The following ATP2B4 variants were observed in gnomAD, a reference collection of about 807,000 sequenced individuals.
ATP2B4 encodes the protein plasma membrane calcium-transporting ATPase 4.
Under a neutral mutation model 110.3 loss-of-function variants are expected in ATP2B4, and 39 were observed. The observed-to-expected ratio is 0.35, with a 90% confidence interval of 0.27 to 0.46. The LOEUF is 0.46. Among genes scored for constraint, ATP2B4 ranks in the 20% least tolerant of loss-of-function variants. The pLI is 1.00. For missense variants in ATP2B4, 1,135 were observed against 1,530.9 expected, an observed-to-expected ratio of 0.74 and a Z score of 4.32; for synonymous variants, 538 against 571.7, an observed-to-expected ratio of 0.94 and a Z score of 0.84.
At chr1:203,641,633 G>C (rs147343787) in intron 1 of ATP2B4, among the ~76,000 whole-genome samples, 2 of 152,176 alleles carry the variant, frequency 1.3e-5, no homozygotes, top group Non-Finnish European at 2.9e-5. Context: ...TACATTATCT[G>C]TAATCCTTAC....
intron 10 of ATP2B4, 80 bp downstream of exon 10, chr1:203,708,184 T>C (rs1188875798): frequency 6.4e-7 from 1 of 1,565,776 alleles, no homozygotes; most frequent in Non-Finnish European, 8.7e-7. Flanking sequence ...AACCCCCTTA[T>C]TGTTTACACT....
rs144010992 is a variant in ATP2B4 at position 203,728,744 on chromosome 1, C to A, written c.3309+1173C>A. 1.3e-3 allele frequency among the ~76,000 whole-genome samples: 195 copies of A among 152,288 alleles called. 5 individuals carry two copies. In the East Asian group the frequency reaches 0.032, roughly 25 times the overall value. Reference sequence around the variant, plus strand: ...TAGTGGCACATGCCTGTAATCCCAGCTACTCGGGAGGCTGAGGCAGAAGAA... The same window carrying A: ...TAGTGGCACATGCCTGTAATCCCAGATACTCGGGAGGCTGAGGCAGAAGAA... On this transcript the variant is annotated intron_variant, in intron 20 of 20. Transcript: ENST00000357681.
chr1:203,704,544 C>CATCTCAGCTCACTGCAGACTCTACCT (rs2102392135), intron 8 of ATP2B4, among the ~76,000 whole-genome samples: 1 of 140,404 alleles, frequency 7.1e-6, no homozygotes, highest in Admixed American at 7.2e-5. Context: ...GCAGTGGCAC[C>CATCTCAGCTCACTGCAGACTCTACCT]ATCTCAGCTC....
intron 2 of ATP2B4, among the ~76,000 whole-genome samples, chr1:203,686,685 C>CTTTTTTCTTTCT (rs1665194666): frequency 2.3e-5 from 1 of 42,774 alleles, no homozygotes; most frequent in African/African-American, 1.0e-4. Flanking sequence ...TCTTTTCTTT[C>CTTTTTTCTTTCT]TTTTTTTTTT....
chr1:203,705,947 T>C (rs1003496948), intron 8 of ATP2B4, among the ~76,000 whole-genome samples: 12 of 152,222 alleles, frequency 7.9e-5, no homozygotes, highest in African/African-American at 2.7e-4. Flanking sequence ...TTCATTGATA[T>C]CATCATCTCT....
At chr1:203,712,738 C>G (rs528599990) in intron 13 of ATP2B4, among the ~76,000 whole-genome samples, 2 of 152,162 alleles carry the variant, frequency 1.3e-5, no homozygotes, top group Non-Finnish European at 2.9e-5. Flanking sequence ...TAGCCCACCC[C>G]TCCTGTGTCC....
Position 203,739,998 on chromosome 1 carries a change from T to G in ATP2B4, c.*144T>G. ...TGTGAAGTGAACCTCTACCTGACCATGAAGAGGCAAGAGCACAGACTTACA... is the reference window on the plus strand; with the variant it reads ...TGTGAAGTGAACCTCTACCTGACCAGGAAGAGGCAAGAGCACAGACTTACA... On this transcript the variant is annotated 3_prime_UTR_variant, in exon 21 of 21. Transcript: ENST00000357681. The G allele has an allele frequency of 4.4e-6, 4 of 903,530 alleles. No homozygotes were observed. The highest frequency in any genetic ancestry group is 1.7e-5 in the African/African-American group (1 of 59,204). 56.0% of individuals were successfully genotyped at this position (903,530 alleles called of 1,614,324 possible).
chr1:203,737,853 TAAAG>T (rs1666910900), intron 20 of ATP2B4, among the ~76,000 whole-genome samples: 1 of 152,144 alleles, frequency 6.6e-6, no homozygotes, highest in South Asian at 2.1e-4. Flanking sequence ...TGGGACGAGA[TAAAG>T]AAAGCCTTAG....
intron 1 of ATP2B4, among the ~76,000 whole-genome samples, chr1:203,635,189 G>T (rs1479794738): frequency 6.6e-6 from 1 of 152,066 alleles, no homozygotes; most frequent in East Asian, 1.9e-4. Flanking sequence ...GGTCAGGCTG[G>T]TCTCAAACTC....
intron 1 of ATP2B4, among the ~76,000 whole-genome samples, chr1:203,664,458 C>T (rs370430817): frequency 6.6e-6 from 1 of 152,172 alleles, no homozygotes; most frequent in African/African-American, 2.4e-5. Context: ...AGGGCCTTTG[C>T]ACATGAAAAA....
chr1:203,732,628 T>C (rs1340515014), intron 20 of ATP2B4, among the ~76,000 whole-genome samples: 1 of 152,140 alleles, frequency 6.6e-6, no homozygotes. Flanking sequence ...AAATACGTAG[T>C]CGGTTTAATT....
intron 16 of ATP2B4, 34 bp downstream of exon 16, chr1:203,720,774 G>A: frequency 1.3e-6 from 2 of 1,588,710 alleles, no homozygotes; most frequent in Non-Finnish European, 1.7e-6. Flanking sequence ...AGACGGGAGG[G>A]ATGAGTCAGG....
At chr1:203,710,421 G>A (rs1423474869) in intron 11 of ATP2B4, among the ~76,000 whole-genome samples, 1 of 151,968 alleles carries the variant, frequency 6.6e-6, no homozygotes, top group Non-Finnish European at 1.5e-5. Context: ...TCAAAAGTTG[G>A]CACTATACCT....
At chr1:203,734,343 A>G (rs1445005833) in intron 20 of ATP2B4, among the ~76,000 whole-genome samples, 1 of 152,078 alleles carries the variant, frequency 6.6e-6, no homozygotes, top group Non-Finnish European at 1.5e-5. Context: ...GAAGAAAAGA[A>G]AGTAGTTCAG....
chr1:203,714,181 C>G lies in ATP2B4; in HGVS notation c.2310C>G (p.Asp770Glu). 1 of 1,614,124 alleles carries G rather than the reference C, an allele frequency of 6.2e-7. No individual in the cohort carries two copies. Among genetic ancestry groups the G allele is most frequent in the South Asian group, 1.1e-5 (1 of 91,072 alleles). ...GTCTGTTTCTCCCAGGCATAATTGA[C>G]AGCACTGTTGGGGAACACCGGCAGG... ...DKHTLVKGII[D>E]STVGEHRQVV... is the part of the protein sequence containing the mutation. Residue 770 changes from aspartate (D) to glutamate (E), a missense_variant, in exon 15 of 21, where the codon GAC (aspartate) becomes GAG (glutamate). This residue lies in a region of ATP2B4 where 368 missense variants were observed against 455.9 expected (regional missense o/e 0.81). Transcript: ENST00000357681.
rs1047262758 is a variant in ATP2B4 at position 203,629,534 on chromosome 1, G to A, written c.-465+2315G>A. Among the ~76,000 whole-genome samples, 6 of 152,138 alleles carry A rather than the reference G, an allele frequency of 3.9e-5. No individual in the cohort carries two copies. The highest frequency in any genetic ancestry group is 5.9e-5 in the Non-Finnish European group (4 of 68,030). On this transcript the variant is annotated intron_variant, in intron 1 of 20. Coordinates refer to ENST00000357681, the MANE Select transcript of ATP2B4 (RefSeq NM_001684.5). This position sits in a 1 kb window ranked among gnomAD's most constrained non-coding sequence, Gnocchi z 4.6. ...TGAGCCCGGGGTCGCGGCCAAAGGGGTAATCGGCTCCCGCAGTCTCAGCCC... is the reference window on the plus strand; with the variant it reads ...TGAGCCCGGGGTCGCGGCCAAAGGGATAATCGGCTCCCGCAGTCTCAGCCC...
Position 203,739,746 on chromosome 1 carries a change from T to C in ATP2B4, c.3510T>C (p.Asp1170=). The C allele has an allele frequency of 1.9e-6, 3 of 1,614,152 alleles. No homozygotes were observed. Among genetic ancestry groups the C allele is most frequent in the South Asian group, 1.1e-5 (1 of 91,078 alleles). ...TTGGGACTAGGGTGCTCCTGTTGGA[T>C]GGTGAGGTCACTCCATATGCCAATA... is the stretch of plus-strand genomic sequence containing the variant. ...SKFGTRVLLL[D]GEVTPYANTN... Residue 1170 remains aspartate, a synonymous_variant, in exon 21 of 21, where the codon GAT becomes GAC. Coordinates refer to ENST00000357681, the MANE Select transcript of ATP2B4 (RefSeq NM_001684.5).
chr1:203,731,953 C>T (rs979841421), intron 20 of ATP2B4, among the ~76,000 whole-genome samples: 1 of 150,688 alleles, frequency 6.6e-6, no homozygotes, highest in South Asian at 2.1e-4. Context: ...CCAAGACCGG[C>T]GGATCACGAG....
At position 203,731,849 on chromosome 1, in the gene ATP2B4, CAAAAAAAA is replaced by C. The variant is rs35528335; in HGVS notation, c.3309+4292_3309+4299del. On this transcript the variant is annotated intron_variant, in intron 20 of 20. Transcript: ENST00000357681. ...TGGGTGACAGAGCGAGACTCTGTCTCAAAAAAAAAAAAAAAAAAAAAGGAAGGAGGGAG... is the reference window on the plus strand; with the variant it reads ...TGGGTGACAGAGCGAGACTCTGTCTCAAAAAAAAAAAAAGGAAGGAGGGAG... 2.0e-4 allele frequency among the ~76,000 whole-genome samples: 10 copies of C among 51,066 alleles called. No individual in the cohort carries two copies. The South Asian group carries it at 3.4e-3, about 17-fold the overall frequency. The allele number at this position is 51,066 out of a possible 152,430, so 33.5% of individuals were successfully genotyped here.
Sources: allele counts gnomAD v4.1 joint callset (sites outside exome capture counted in the v4.1 genomes callset), GRCh38; gene constraint gnomAD v4.1.1; regional missense constraint gnomAD v4.1.1; non-coding constraint Gnocchi (gnomAD v3.1); transcripts MANE v1.5; gene names NCBI Gene and HGNC (gene_info 2026-07-23, HGNC 2026-07-21).